The following AMPH variants were observed in gnomAD, a reference collection of about 807,000 sequenced individuals.
The protein encoded by AMPH is amphiphysin (Stiff-Mann syndrome with breast cancer 128kD autoantigen).
Under a neutral mutation model 99.1 loss-of-function variants are expected in AMPH, and 49 were observed. That is an observed-to-expected ratio of 0.49 (90% CI 0.39 to 0.63). AMPH has a LOEUF of 0.63. Among genes scored for constraint, AMPH ranks in the 20% least tolerant of loss-of-function variants. AMPH has a pLI of 0.00. For synonymous variants in AMPH, 314 were observed against 317.3 expected (o/e 0.99, Z 0.11); for missense variants, 759 against 863.4 (o/e 0.88, Z 1.52).
chr7:38,620,327 G>GAT (rs1041481410), intron 1 of AMPH, among the ~76,000 whole-genome samples: 5 of 118,594 alleles, frequency 4.2e-5, no homozygotes, highest in East Asian at 4.2e-4. Context: ...ATTCATTGGA[G>GAT]ATATATATAT....
At position 38,543,915 on chromosome 7, in the gene AMPH, A is replaced by G. The variant is rs1790903186; in HGVS notation, c.70-8904T>C. On this transcript the variant is annotated intron_variant, in intron 1 of 20. Coordinates refer to ENST00000356264, the MANE Select transcript of AMPH (RefSeq NM_001635.4). Reference sequence around the variant, plus strand: ...TAAAGAAAAAAAGGAAGAAATCGCAATACCCATAAAGTACAATGTGAACAT... The same window carrying G: ...TAAAGAAAAAAAGGAAGAAATCGCAGTACCCATAAAGTACAATGTGAACAT... 2.0e-5 allele frequency among the ~76,000 whole-genome samples: 3 copies of G among 152,246 alleles called. No individual in the cohort carries two copies. In the South Asian group the frequency reaches 6.2e-4, roughly 32 times the overall value.
chr7:38,465,427 A>C (rs748937647), intron 9 of AMPH, 40 bp downstream of exon 9: 1 of 1,528,180 alleles, frequency 6.5e-7, no homozygotes, highest in South Asian at 1.2e-5. Flanking sequence ...AAATTTTAGC[A>C]AGCAGGACAT....
At chr7:38,396,904 ATAC>A (rs1707530574) in intron 17 of AMPH, among the ~76,000 whole-genome samples, 1 of 152,268 alleles carries the variant, frequency 6.6e-6, no homozygotes, top group Admixed American at 6.5e-5. Context: ...GTTAAAAACT[ATAC>A]TGAAAGAAAA....
chr7:38,410,145 A>G (rs1436147757), intron 17 of AMPH, among the ~76,000 whole-genome samples: 2 of 152,192 alleles, frequency 1.3e-5, no homozygotes, highest in Non-Finnish European at 2.9e-5. Flanking sequence ...TTTGAATGAT[A>G]TGTAAGGTGC....
intron 7 of AMPH, among the ~76,000 whole-genome samples, chr7:38,470,440 C>A (rs1202996865): frequency 6.6e-6 from 1 of 152,010 alleles, no homozygotes; most frequent in Non-Finnish European, 1.5e-5. Flanking sequence ...CTGCTTGATA[C>A]CTCTATTGTA....
At chr7:38,459,967 T>C (rs535923720) in intron 11 of AMPH, among the ~76,000 whole-genome samples, 2 of 152,100 alleles carry the variant, frequency 1.3e-5, no homozygotes, top group African/African-American at 4.8e-5. Flanking sequence ...ATATTCAGAA[T>C]GTACAAGGAA....
At chr7:38,393,667 C>A (rs552025827) in intron 18 of AMPH, among the ~76,000 whole-genome samples, 2 of 151,262 alleles carry the variant, frequency 1.3e-5, no homozygotes, top group Admixed American at 6.6e-5. Flanking sequence ...GCTGAGTGCT[C>A]ACTTCATCAC....
chr7:38,488,787 G>A (rs1788611549), intron 5 of AMPH, among the ~76,000 whole-genome samples: 1 of 151,990 alleles, frequency 6.6e-6, no homozygotes, highest in Non-Finnish European at 1.5e-5. Context: ...AAACCTAACT[G>A]TGGAAGTGAA....
chr7:38,535,910 G>A (rs9638940), intron 1 of AMPH, among the ~76,000 whole-genome samples: 45,311 of 151,966 alleles, frequency 0.3, 7,190 homozygotes, highest in Middle Eastern at 0.35. Context: ...ACCAGTCTGA[G>A]GCCCAGGGTT....
intron 2 of AMPH, among the ~76,000 whole-genome samples, chr7:38,533,172 G>A (rs963180090): frequency 9.2e-5 from 14 of 152,142 alleles, no homozygotes; most frequent in African/African-American, 3.1e-4. Context: ...GAGAACAGAA[G>A]TTGATGTGAA....
intron 7 of AMPH, among the ~76,000 whole-genome samples, chr7:38,471,872 A>C (rs1160680826): frequency 6.6e-6 from 1 of 152,202 alleles, no homozygotes; most frequent in African/African-American, 2.4e-5. Flanking sequence ...CAAAATTATT[A>C]GAGACAAAGA....
chr7:38,472,951 G>T (rs964127967), intron 7 of AMPH, among the ~76,000 whole-genome samples: 1 of 152,104 alleles, frequency 6.6e-6, no homozygotes, highest in Admixed American at 6.5e-5. Context: ...ACTTAGGAAG[G>T]GCACAAAAGA....
chr7:38,615,272 A>G (rs1793836734), intron 1 of AMPH, among the ~76,000 whole-genome samples: 1 of 152,168 alleles, frequency 6.6e-6, no homozygotes, highest in Admixed American at 6.5e-5. Context: ...CGAGGGTGAA[A>G]TGAGTTAATA....
chr7:38,619,872 G>A (rs1440878693), intron 1 of AMPH, among the ~76,000 whole-genome samples: 1 of 152,146 alleles, frequency 6.6e-6, no homozygotes, highest in Non-Finnish European at 1.5e-5. Context: ...GAGACTCTCA[G>A]AGAAAATATT....
intron 3 of AMPH, among the ~76,000 whole-genome samples, chr7:38,503,036 C>G (rs1221986237): frequency 2.2e-5 from 1 of 45,966 alleles, no homozygotes; most frequent in East Asian, 6.2e-4. Context: ...TGATGGATAG[C>G]AGGCACAGGC....
chr7:38,584,439 G>T (rs530059980), intron 1 of AMPH, among the ~76,000 whole-genome samples: 9 of 152,142 alleles, frequency 5.9e-5, no homozygotes, highest in Admixed American at 5.9e-4. Context: ...TTCAAGATGT[G>T]GTCATGTTCA....
chr7:38,532,890 C>A (rs928190788), intron 2 of AMPH, among the ~76,000 whole-genome samples: 1 of 152,144 alleles, frequency 6.6e-6, no homozygotes, highest in East Asian at 1.9e-4. Context: ...AGAAAAACTC[C>A]AAGAGCAAAG....
At position 38,470,709 on chromosome 7, in the gene AMPH, C is replaced by T. The variant is rs78511926; in HGVS notation, c.591-4461G>A. Among the ~76,000 whole-genome samples, 1,543 of 152,094 alleles carry T rather than the reference C, an allele frequency of 0.01. 57 individuals carry two copies. The South Asian group carries it at 0.11, about 11-fold the overall frequency. ...ATTACCACCCATATGGTAATGACTC[C>T]CAAACCTCTCTTCAAGCTTTAGACT... is the stretch of plus-strand genomic sequence containing the variant. On this transcript the variant is annotated intron_variant, in intron 7 of 20. Transcript: ENST00000356264.
Position 38,492,175 on chromosome 7 carries a change from C to A in AMPH, c.301-1030G>T, listed in dbSNP as rs143812933. On this transcript the variant is annotated intron_variant, in intron 4 of 20. Coordinates refer to ENST00000356264, the MANE Select transcript of AMPH (RefSeq NM_001635.4). ...TTGGCCACCTAGGATAAAGACTCCA[C>A]TTCCCAGACTCCTTTGCAACCAGGT... Among the ~76,000 whole-genome samples the A allele has an allele frequency of 5.1e-4, 77 of 152,344 alleles. No homozygotes were observed. In the East Asian group the frequency reaches 0.015, roughly 29 times the overall value.
Sources: gnomAD v4.1 joint callset for allele counts (sites outside exome capture counted in the v4.1 genomes callset) on GRCh38, gnomAD v4.1.1 for gene constraint, MANE v1.5 for transcripts, NCBI Gene and HGNC (gene_info 2026-07-23, HGNC 2026-07-21) for gene names.